Variants in MGAT3 observed in about 807,000 individuals in gnomAD.
The protein encoded by MGAT3 is beta-1,4-mannosyl-glycoprotein 4-beta-N-acetylglucosaminyltransferase.
Under a neutral mutation model 29.8 loss-of-function variants are expected in MGAT3, and 9 were observed. The observed-to-expected ratio is 0.30, with a 90% CI of 0.18 to 0.53. The LOEUF is 0.53. MGAT3 is among the 20% of genes least tolerant of loss of function. MGAT3 has a pLI of 0.96. For missense variants in MGAT3, 557 were observed against 769.5 expected (o/e 0.72, Z 3.27); for synonymous variants, 397 against 348.9 (o/e 1.14, Z -1.54).
At chr22:39,465,721 C>G (rs1480204788) in intron 1 of MGAT3, among the ~76,000 whole-genome samples, 1 of 152,028 alleles carries the variant, frequency 6.6e-6, no homozygotes, top group Non-Finnish European at 1.5e-5. Context: ...CACCAGAGGT[C>G]AGGTGTTCAA....
chr22:39,483,146 A>G (rs1191079922), intron 1 of MGAT3, among the ~76,000 whole-genome samples: 1 of 152,196 alleles, frequency 6.6e-6, no homozygotes, highest in Non-Finnish European at 1.5e-5. Flanking sequence ...CATAGCTTAC[A>G]CCAGTTGTGT....
In MGAT3 at chr22:39,488,829, C is replaced by T. The variant is rs1234699497; in HGVS notation, c.1482C>T (p.Phe494=). Reference sequence around the variant, plus strand: ...ACCTGCTGAAGAACTACGACCGGTTCCACTACCTGCTGGACAACCCCTACC... The same window carrying T: ...ACCTGCTGAAGAACTACGACCGGTTTCACTACCTGCTGGACAACCCCTACC... ...PKYLLKNYDR[F]HYLLDNPYQE... is the part of the protein sequence containing the mutation. The change falls in exon 2 of 2, where the codon TTC becomes TTT. Residue 494 remains phenylalanine, a synonymous_variant. Coordinates refer to ENST00000341184, the MANE Select transcript of MGAT3 (RefSeq NM_002409.5). 1 of 1,609,242 alleles carries T rather than the reference C, an allele frequency of 6.2e-7. No individual in the cohort carries two copies. The highest frequency in any genetic ancestry group is 1.7e-5 in the Admixed American group (1 of 59,280).
At chr22:39,471,950 C>T (rs760865447) in intron 1 of MGAT3, among the ~76,000 whole-genome samples, 1 of 152,112 alleles carries the variant, frequency 6.6e-6, no homozygotes, top group Non-Finnish European at 1.5e-5. Context: ...AAGGCAAGGG[C>T]TAGGAAGAGG....
At chr22:39,459,364 T>C (rs1928436087) in intron 1 of MGAT3, among the ~76,000 whole-genome samples, 2 of 151,654 alleles carry the variant, frequency 1.3e-5, no homozygotes, top group Admixed American at 1.3e-4. Flanking sequence ...GTGAGCCACC[T>C]CGCCCAACCC....
In MGAT3 at chr22:39,488,166, C is replaced by T; in HGVS notation, c.819C>T (p.Phe273=). 2 of 1,612,894 alleles carry T rather than the reference C, an allele frequency of 1.2e-6. No individual in the cohort carries two copies. Among genetic ancestry groups the T allele is most frequent in the Non-Finnish European group, 1.7e-6 (2 of 1,179,890 alleles). ...EYIRHKVLYV[F]LDHFPPGGRQ... ...TCCGCCACAAGGTGCTCTATGTCTT[C>T]CTGGACCACTTCCCGCCCGGCGGCC... Residue 273 remains phenylalanine (F), a synonymous_variant, in exon 2 of 2, where the codon TTC becomes TTT. Transcript: ENST00000341184.
chr22:39,490,762 A>C lies in MGAT3; in HGVS notation c.*1813A>C, dbSNP rs1233732807. 1 of 166,456 alleles carries C rather than the reference A, an allele frequency of 6.0e-6. No individual in the cohort carries two copies. Among genetic ancestry groups the C allele is most frequent in the Non-Finnish European group, 1.5e-5 (1 of 68,006 alleles). 10.3% of individuals were successfully genotyped at this position (166,456 alleles called of 1,614,324 possible). On this transcript the variant is annotated 3_prime_UTR_variant, in exon 2 of 2. Transcript: ENST00000341184. ...GTGCATGCTTGGTGTGTATTTGTAC[A>C]TGTCTGTATTGCTGTGTCCCTGTAA... is the stretch of plus-strand genomic sequence containing the variant.
intron 1 of MGAT3, among the ~76,000 whole-genome samples, chr22:39,472,412 C>T (rs1004337885): frequency 6.6e-6 from 1 of 152,322 alleles, no homozygotes; most frequent in African/African-American, 2.4e-5. Context: ...CTATCCTCGT[C>T]CCACTGAGAA....
rs771868852 is a variant in MGAT3 at position 39,487,588 on chromosome 22, C to T, written c.241C>T (p.Leu81=). 32 of 1,611,414 alleles carry T rather than the reference C, an allele frequency of 2.0e-5. No homozygotes were observed. Among genetic ancestry groups the T allele is most frequent in the Non-Finnish European group, 2.5e-5 (29 of 1,179,350 alleles). ...CCCACTCTACTCCCACTCGCCCCTG[C>T]TGCAGCCGCTGCCGCCCAGCAAGGC... The part of the protein sequence containing the change: ...RTPLYSHSPL[L]QPLPPSKAAE... The change falls in exon 2 of 2, where the codon CTG becomes TTG. Residue 81 remains leucine, a synonymous_variant. Coordinates refer to ENST00000341184, the MANE Select transcript of MGAT3 (RefSeq NM_002409.5). The surrounding 1 kb of genome is among the most constrained non-coding windows in gnomAD (Gnocchi z 5.7).
chr22:39,462,232 C>G (rs1030504141), intron 1 of MGAT3, among the ~76,000 whole-genome samples: 5 of 152,222 alleles, frequency 3.3e-5, no homozygotes, highest in African/African-American at 1.2e-4. Context: ...TTAGCTGCAG[C>G]ATCTCTGGCT....
Position 39,487,537 on chromosome 22 carries a change from C to T in MGAT3, c.190C>T (p.Pro64Ser), listed in dbSNP as rs1318905085. Residue 64 changes from proline (P) to serine (S), a missense_variant, in exon 2 of 2, where the codon CCA becomes TCA. By Grantham distance (74) the Pro-to-Ser change is moderately conservative (BLOSUM62 -1). This residue lies in a region of MGAT3 where 212 missense variants were observed against 228.5 expected (regional missense o/e 0.93). Coordinates refer to ENST00000341184, the MANE Select transcript of MGAT3 (RefSeq NM_002409.5). The surrounding 1 kb of genome is among the most constrained non-coding windows in gnomAD (Gnocchi z 5.7). The stretch of plus-strand genomic sequence containing the variant: ...GGTCACGCCCCAGGCCAGCCCCGAG[C>T]CAGGAGGCCCTGACCTGCTGCGTAC... ...APVTPQASPE[P>S]GGPDLLRTPL... 1 of 1,613,024 alleles carries T rather than the reference C, an allele frequency of 6.2e-7. No individual in the cohort carries two copies. The highest frequency in any genetic ancestry group is 8.5e-7 in the Non-Finnish European group (1 of 1,179,992).
At position 39,487,722 on chromosome 22, in the gene MGAT3, G is replaced by A. The variant is rs758196385; in HGVS notation, c.375G>A (p.Leu125=). ...GVCFKPGTKM[L]ERPPPGRPEE... is the part of the protein sequence containing the mutation. ...GCTTCAAACCCGGCACCAAGATGCT[G>A]GAGAGGCCGCCCCCGGGACGGCCGG... The change falls in exon 2 of 2, where the codon CTG becomes CTA. Residue 125 remains leucine, a synonymous_variant. Transcript: ENST00000341184. This position sits in a 1 kb window ranked among gnomAD's most constrained non-coding sequence, Gnocchi z 5.7. 1.9e-6 allele frequency: 3 copies of A among 1,563,512 alleles called. No individual in the cohort carries two copies. Among genetic ancestry groups the A allele is most frequent in the Non-Finnish European group, 2.6e-6 (3 of 1,157,906 alleles).
At chr22:39,468,014 C>T (rs181619450) in intron 1 of MGAT3, among the ~76,000 whole-genome samples, 6 of 151,876 alleles carry the variant, frequency 4.0e-5, no homozygotes, top group Admixed American at 3.9e-4. Context: ...TGAGGACCCC[C>T]TCATAGCCTC....
chr22:39,469,974 T>C (rs1036816632), intron 1 of MGAT3, among the ~76,000 whole-genome samples: 2 of 152,210 alleles, frequency 1.3e-5, no homozygotes, highest in Non-Finnish European at 2.9e-5. Flanking sequence ...CCGGAGGATA[T>C]TTGTCCCTCC....
At chr22:39,477,637 G>C (rs1457209509) in intron 1 of MGAT3, 1 of 152,100 alleles carries the variant, frequency 6.6e-6, no homozygotes, top group Non-Finnish European at 1.5e-5. Context: ...GGCTCAGCCA[G>C]GTCTCCCACA....
intron 1 of MGAT3, among the ~76,000 whole-genome samples, chr22:39,464,261 T>G (rs1180254647): frequency 6.6e-6 from 1 of 152,110 alleles, no homozygotes; most frequent in Non-Finnish European, 1.5e-5. Context: ...TCTTGCTACC[T>G]GGGGCCTGGC....
In MGAT3 at chr22:39,487,816, G is replaced by A; in HGVS notation, c.469G>A (p.Glu157Lys). The change falls in exon 2 of 2, where the codon GAG (glutamate) becomes AAG (lysine). Residue 157 changes from glutamate (E) to lysine (K), a missense_variant. Physicochemically the swap from Glu to Lys is moderately conservative, Grantham distance 56. Transcript: ENST00000341184. The surrounding 1 kb of genome is among the most constrained non-coding windows in gnomAD (Gnocchi z 5.7). The part of the protein sequence containing the change: ...RPPRYLLSAR[E>K]RTGGRGARRK... ...ACCCCGGTACCTCCTGAGCGCCCGG[G>A]AGCGCACGGGGGGCCGAGGCGCCCG... is the stretch of plus-strand genomic sequence containing the variant. 4.0e-6 allele frequency: 6 copies of A among 1,497,500 alleles called. No homozygotes were observed. The highest frequency in any genetic ancestry group is 4.4e-6 in the Non-Finnish European group (5 of 1,126,488). 92.8% of individuals were successfully genotyped at this position (1,497,500 alleles called of 1,614,324 possible).
At chr22:39,472,805 C>T (rs1928846488) in intron 1 of MGAT3, 6 of 152,244 alleles carry the variant, frequency 3.9e-5, no homozygotes, top group Admixed American at 3.9e-4. Context: ...GGCTCAGCCT[C>T]TAGGGAGGAA....
chr22:39,463,030 T>C (rs1479918897), intron 1 of MGAT3, among the ~76,000 whole-genome samples: 2 of 152,084 alleles, frequency 1.3e-5, no homozygotes, highest in East Asian at 3.9e-4. Flanking sequence ...GAGACAGGGT[T>C]CTAAGTGAGG....
In MGAT3 at chr22:39,487,289, T is replaced by C; in HGVS notation, c.-1-58T>C. On this transcript the variant is annotated intron_variant, in intron 1 of 1. Transcript: ENST00000341184. The surrounding 1 kb of genome is among the most constrained non-coding windows in gnomAD (Gnocchi z 5.7). ...GCAGCAGAGGCCTCCTAGGTCCCCT[T>C]CCTAGGAAAGGAGCCTGGGCTGCCC... 2 of 1,533,582 alleles carry C rather than the reference T, an allele frequency of 1.3e-6. No homozygotes were observed. Among genetic ancestry groups the C allele is most frequent in the Non-Finnish European group, 1.8e-6 (2 of 1,137,670 alleles). The allele number at this position is 1,533,582 out of a possible 1,614,324, so 95.0% of individuals were successfully genotyped here. A position where few individuals can be genotyped will look rare whatever the true frequency, so the allele number is the denominator to read the frequency against.
Sources: allele counts gnomAD v4.1 joint callset (sites outside exome capture counted in the v4.1 genomes callset), GRCh38; gene constraint gnomAD v4.1.1; regional missense constraint gnomAD v4.1.1; non-coding constraint Gnocchi (gnomAD v3.1); transcripts MANE v1.5; gene names NCBI Gene and HGNC (gene_info 2026-07-23, HGNC 2026-07-21).